DNM3: variants seen among roughly 807,000 people sequenced by gnomAD.
DNM3 encodes the protein dynamin 3, also known as dynamin-3.
A neutral mutation model predicts 101.6 loss-of-function variants in DNM3; 47 were observed. The observed-to-expected ratio is 0.46, with a 90% CI of 0.37 to 0.59. The LOEUF is 0.59. DNM3 is among the 20% of genes least tolerant of loss of function. The probability of loss-of-function intolerance (pLI) is 0.00; values close to 1 mark genes in which losing one functional copy is unlikely to be tolerated. For missense variants in DNM3, 849 were observed against 1,085.7 expected (o/e 0.78, Z 3.06); for synonymous variants, 385 against 387.9 (o/e 0.99, Z 0.09).
At chr1:171,846,972 G>C (rs1055593082) in intron 1 of DNM3, among the ~76,000 whole-genome samples, 1 of 152,160 alleles carries the variant, frequency 6.6e-6, no homozygotes, top group South Asian at 2.1e-4. Flanking sequence ...GGGTTGGAGA[G>C]ACAAGTCATT....
chr1:172,313,033 T>C (rs1454080140), intron 16 of DNM3, among the ~76,000 whole-genome samples: 1 of 152,242 alleles, frequency 6.6e-6, no homozygotes, highest in African/African-American at 2.4e-5. Flanking sequence ...GAGCCACAGA[T>C]TTAGCATTCT....
intron 14 of DNM3, among the ~76,000 whole-genome samples, chr1:172,239,798 C>CTTT (rs369238528): frequency 0.39 from 40,791 of 104,358 alleles, 8,529 homozygotes; most frequent in Non-Finnish European, 0.48. Context: ...CTTTTTTTTT[C>CTTT]TCTTTTTTTT....
chr1:172,114,837 G>A (rs1051186276), intron 13 of DNM3, among the ~76,000 whole-genome samples: 4 of 152,132 alleles, frequency 2.6e-5, no homozygotes, highest in African/African-American at 7.2e-5. Context: ...TTTACAGTAT[G>A]CATAAGTTTT....
chr1:171,921,922 C>T (rs757005968), intron 2 of DNM3, 101 bp downstream of exon 2: 2 of 1,015,390 alleles, frequency 2.0e-6, no homozygotes, highest in South Asian at 3.0e-5. Flanking sequence ...TTTGTGATCG[C>T]CCCACTGTGG....
chr1:171,987,468 G>A (rs767058578), intron 2 of DNM3, among the ~76,000 whole-genome samples, 188 bp from the exon 3 acceptor site: 11 of 152,110 alleles, frequency 7.2e-5, no homozygotes, highest in Non-Finnish European at 1.3e-4. Flanking sequence ...AGCATCTATA[G>A]CATTTGTACT....
intron 15 of DNM3, among the ~76,000 whole-genome samples, chr1:172,271,812 A>G (rs542738190): frequency 6.6e-6 from 1 of 152,272 alleles, no homozygotes; most frequent in African/African-American, 2.4e-5. Flanking sequence ...TTTGGAAAAC[A>G]TTGGTTCACT....
intron 14 of DNM3, among the ~76,000 whole-genome samples, chr1:172,160,884 A>C (rs1195958440): frequency 6.6e-6 from 1 of 152,022 alleles, no homozygotes; most frequent in Non-Finnish European, 1.5e-5. Flanking sequence ...GTTGCACTAC[A>C]ATGGCTATGA....
chr1:172,346,839 A>G (rs2066964877), intron 17 of DNM3, among the ~76,000 whole-genome samples: 1 of 152,236 alleles, frequency 6.6e-6, no homozygotes. Context: ...TGGTGGCCAA[A>G]TAATGCCTGG....
rs35034472 is a variant in DNM3, at chr1:171,904,153, G to GAA, written c.162-17583_162-17582dup. Among the ~76,000 whole-genome samples, 106 of 135,450 alleles carry GAA rather than the reference G, an allele frequency of 7.8e-4. 1 individual carries two copies. Among genetic ancestry groups the GAA allele is most frequent in the Admixed American group, 1.8e-3 (25 of 13,730 alleles). The allele number at this position is 135,450 out of a possible 152,430, so 88.9% of individuals were successfully genotyped here. On this transcript the variant is annotated intron_variant, in intron 1 of 20. Coordinates refer to ENST00000627582, the MANE Select transcript of DNM3 (RefSeq NM_015569.5). ...TGAAACCCCGTCTCCTCAAAAAATA[G>GAA]AAAAAAAAAAAAAGCCAGCGTGGTG...
At chr1:172,166,934 T>A (rs1428930405) in intron 14 of DNM3, among the ~76,000 whole-genome samples, 1 of 151,792 alleles carries the variant, frequency 6.6e-6, no homozygotes, top group Admixed American at 6.6e-5. Context: ...TTTTTTTTTT[T>A]AATACTTTAA....
intron 15 of DNM3, among the ~76,000 whole-genome samples, chr1:172,254,244 C>T (rs773695414): frequency 2.6e-5 from 4 of 152,100 alleles, no homozygotes; most frequent in African/African-American, 9.7e-5. Context: ...CTTAAAGCTA[C>T]ATTTTGTTAC....
At chr1:172,316,652 A>G (rs2065376608) in intron 16 of DNM3, among the ~76,000 whole-genome samples, 1 of 152,150 alleles carries the variant, frequency 6.6e-6, no homozygotes, top group African/African-American at 2.4e-5. Flanking sequence ...AGGCTATTAC[A>G]TAATGGTAAA....
At chr1:172,064,632 C>T (rs143133670) in intron 10 of DNM3, among the ~76,000 whole-genome samples, 1 of 152,054 alleles carries the variant, frequency 6.6e-6, no homozygotes, top group East Asian at 1.9e-4. Flanking sequence ...ATGTATGTAT[C>T]TTAAGAATTG....
At position 172,408,154 on chromosome 1, in the gene DNM3, C is replaced by G; in HGVS notation, c.*313C>G. 1 of 1,140,390 alleles carries G rather than the reference C, an allele frequency of 8.8e-7. No homozygotes were observed. The highest frequency in any genetic ancestry group is 1.6e-5 in the African/African-American group (1 of 63,616). 70.6% of individuals were successfully genotyped at this position (1,140,390 alleles called of 1,614,324 possible). A position where few individuals can be genotyped will look rare whatever the true frequency, so the allele number is the denominator to read the frequency against. ...TTTGAAATTGCTTTGGACAAGTTTT[C>G]TAGGCTATCTACCAGGTAGCTCATT... On this transcript the variant is annotated 3_prime_UTR_variant, in exon 21 of 21. Coordinates refer to ENST00000627582, the MANE Select transcript of DNM3 (RefSeq NM_015569.5).
At chr1:171,863,060 A>G (rs61333967) in intron 1 of DNM3, among the ~76,000 whole-genome samples, 1 of 131,448 alleles carries the variant, frequency 7.6e-6, no homozygotes, top group South Asian at 2.4e-4. Flanking sequence ...TTTTTTTTTT[A>G]AAGACAATAC....
At chr1:171,953,610 G>A (rs1475744649) in intron 2 of DNM3, among the ~76,000 whole-genome samples, 1 of 151,666 alleles carries the variant, frequency 6.6e-6, no homozygotes, top group Non-Finnish European at 1.5e-5. Flanking sequence ...TGTATTTTTA[G>A]TAGAGATGGG....
intron 1 of DNM3, among the ~76,000 whole-genome samples, chr1:171,890,763 AT>A (rs1263209613): frequency 6.6e-6 from 1 of 152,188 alleles, no homozygotes; most frequent in Non-Finnish European, 1.5e-5. Context: ...TAGGAGGATT[AT>A]TTTTGTGATG....
At chr1:172,214,379 G>A (rs2060619147) in intron 14 of DNM3, among the ~76,000 whole-genome samples, 1 of 151,918 alleles carries the variant, frequency 6.6e-6, no homozygotes, top group African/African-American at 2.4e-5. Context: ...CACCAACATG[G>A]CACATGTATA....
At chr1:172,167,366 G>A (rs2058788262) in intron 14 of DNM3, among the ~76,000 whole-genome samples, 1 of 152,034 alleles carries the variant, frequency 6.6e-6, no homozygotes, top group South Asian at 2.1e-4. Context: ...TGTGAATAGT[G>A]CCACCATAAA....
Sources: gnomAD v4.1 joint callset for allele counts (sites outside exome capture counted in the v4.1 genomes callset) on GRCh38, gnomAD v4.1.1 for gene constraint, MANE v1.5 for transcripts, NCBI Gene and HGNC (gene_info 2026-07-23, HGNC 2026-07-21) for gene names.